The following RAB8B variants were observed in gnomAD, a reference collection of about 807,000 sequenced individuals.
The protein encoded by RAB8B is ras-related protein Rab-8B.
In RAB8B, 11 loss-of-function variants were observed where a neutral mutation model predicts 32.0. The observed-to-expected ratio is 0.34, with a 90% CI of 0.22 to 0.57. RAB8B has a LOEUF of 0.57. Ranked by LOEUF, RAB8B falls within the 20% of genes least tolerant of loss-of-function variation. The pLI, the probability that RAB8B is intolerant of heterozygous loss-of-function variation, is 0.86. For missense variants in RAB8B, 190 were observed against 258.5 expected (o/e 0.73, Z 1.82); for synonymous variants, 103 against 89.6 (o/e 1.15, Z -0.85).
chr15:63,219,322 A>T (rs902995866), intron 1 of RAB8B, among the ~76,000 whole-genome samples: 1 of 151,464 alleles, frequency 6.6e-6, no homozygotes, highest in African/African-American at 2.4e-5. Context: ...AAAGAAAGAG[A>T]GAAAGAGATC....
chr15:63,225,376 C>T (rs2037880292), intron 1 of RAB8B, among the ~76,000 whole-genome samples: 1 of 152,136 alleles, frequency 6.6e-6, no homozygotes, highest in Non-Finnish European at 1.5e-5. Flanking sequence ...ATATTGAGTA[C>T]TTTTAATTTT....
intron 1 of RAB8B, among the ~76,000 whole-genome samples, chr15:63,234,761 A>G (rs2037964132): frequency 6.6e-6 from 1 of 152,198 alleles, no homozygotes; most frequent in Non-Finnish European, 1.5e-5. Flanking sequence ...TCAGAGGTGC[A>G]GGAAAGAGCC....
intron 2 of RAB8B, among the ~76,000 whole-genome samples, chr15:63,246,426 G>C (rs1020211608): frequency 6.6e-6 from 1 of 152,178 alleles, no homozygotes; most frequent in African/African-American, 2.4e-5. Flanking sequence ...TAATTTACTA[G>C]AGCAGCTCAC....
intron 4 of RAB8B, 36 bp downstream of exon 4, chr15:63,255,620 A>G: frequency 6.6e-7 from 1 of 1,513,058 alleles, no homozygotes; most frequent in Non-Finnish European, 9.2e-7. Context: ...ATTGGAGAAG[A>G]GTCCTGCTGG....
chr15:63,238,655 G>GAT (rs1273715525), intron 1 of RAB8B, among the ~76,000 whole-genome samples: 1 of 151,796 alleles, frequency 6.6e-6, no homozygotes, highest in South Asian at 2.1e-4. Context: ...TTATATAGAG[G>GAT]ATATATAATA....
intron 1 of RAB8B, among the ~76,000 whole-genome samples, chr15:63,225,859 G>A (rs2037884774): frequency 6.6e-6 from 1 of 151,620 alleles, no homozygotes; most frequent in Admixed American, 6.6e-5. Flanking sequence ...TTTTCTTTCT[G>A]AAAGAGGGTC....
At chr15:63,194,265 G>A (rs2037583129) in intron 1 of RAB8B, among the ~76,000 whole-genome samples, 1 of 152,194 alleles carries the variant, frequency 6.6e-6, no homozygotes, top group African/African-American at 2.4e-5. Flanking sequence ...AGATCCTGTA[G>A]TGAAACCCCA....
Position 63,267,738 on chromosome 15 carries a change from T to A in RAB8B, c.*4119T>A, listed in dbSNP as rs2038260167. On this transcript the variant is annotated 3_prime_UTR_variant, in exon 8 of 8. Transcript: ENST00000321437. ...CAGGTGAACTTTTTTTTTATAATAA[T>A]GTTCGTCTAAAATAAAAACTACATA... The A allele has an allele frequency of 2.0e-5, 3 of 152,222 alleles. No homozygotes were observed. The highest frequency in any genetic ancestry group is 4.4e-5 in the Non-Finnish European group (3 of 68,042). 9.4% of individuals were successfully genotyped at this position (152,222 alleles called of 1,614,324 possible). A position where few individuals can be genotyped will look rare whatever the true frequency, so the allele number is the denominator to read the frequency against.
At chr15:63,263,397 C>A in intron 7 of RAB8B, 130 bp from the exon 8 acceptor site, 1 of 649,474 alleles carries the variant, frequency 1.5e-6, no homozygotes, top group Non-Finnish European at 2.7e-6. Context: ...TAATAAAATA[C>A]TCTAGTGAAT....
Position 63,263,878 on chromosome 15 carries a change from G to T in RAB8B, c.*259G>T. On this transcript the variant is annotated 3_prime_UTR_variant, in exon 8 of 8. Transcript: ENST00000321437. ...TCGTTTTTTCCTTGTTTTATTACCT[G>T]TTGCAGAAGCGGTTATCTTTCTTTT... The T allele has an allele frequency of 2.7e-6, 1 of 366,668 alleles. No homozygotes were observed. The allele number at this position is 366,668 out of a possible 1,614,324, so 22.7% of individuals were successfully genotyped here.
rs1423199038 is a variant in RAB8B, at chr15:63,265,775, G to A, written c.*2156G>A. 3.3e-5 allele frequency: 5 copies of A among 152,168 alleles called. No homozygotes were observed. The highest frequency in any genetic ancestry group is 1.3e-4 in the Admixed American group (2 of 15,224). The allele number at this position is 152,168 out of a possible 1,614,324, so 9.4% of individuals were successfully genotyped here. ...TTTTTTAACAGAATGCTTTGCTTTG[G>A]TTATATTTCTTCTTTCTTCTTTTGT... On this transcript the variant is annotated 3_prime_UTR_variant, in exon 8 of 8. Coordinates refer to ENST00000321437, the MANE Select transcript of RAB8B (RefSeq NM_016530.3). The surrounding 1 kb of genome is among the most constrained non-coding windows in gnomAD (Gnocchi z 4.9).
chr15:63,213,653 C>T (rs372469731), intron 1 of RAB8B, among the ~76,000 whole-genome samples: 1 of 151,814 alleles, frequency 6.6e-6, no homozygotes, highest in East Asian at 1.9e-4. Context: ...ATGGGGAATT[C>T]CTACATGAGT....
chr15:63,229,460 G>C (rs1021188963), intron 1 of RAB8B, among the ~76,000 whole-genome samples: 2 of 152,082 alleles, frequency 1.3e-5, no homozygotes, highest in Non-Finnish European at 2.9e-5. Context: ...GGTGCTCACA[G>C]ACATTCAGTG....
Position 63,221,767 on chromosome 15 carries a change from T to C in RAB8B, c.125-22989T>C, listed in dbSNP as rs911902002. Among the ~76,000 whole-genome samples, 3 of 152,238 alleles carry C rather than the reference T, an allele frequency of 2.0e-5. No homozygotes were observed. In the South Asian group the frequency reaches 6.2e-4, roughly 32 times the overall value. Reference sequence around the variant, plus strand: ...CCACCCTGGGCTCACGAATTAATAGTGGAAATGTCTTCAAAGCAATTATTA... The same window carrying C: ...CCACCCTGGGCTCACGAATTAATAGCGGAAATGTCTTCAAAGCAATTATTA... On this transcript the variant is annotated intron_variant, in intron 1 of 7. Coordinates refer to ENST00000321437, the MANE Select transcript of RAB8B (RefSeq NM_016530.3).
chr15:63,206,945 A>G (rs1314240107), intron 1 of RAB8B, among the ~76,000 whole-genome samples: 1 of 151,932 alleles, frequency 6.6e-6, no homozygotes, highest in East Asian at 1.9e-4. Context: ...TTGGCCTCTC[A>G]TCAGCATTTC....
intron 1 of RAB8B, among the ~76,000 whole-genome samples, chr15:63,197,524 C>G (rs1044035541): frequency 6.6e-6 from 1 of 151,834 alleles, no homozygotes. Flanking sequence ...CGGGTGCACA[C>G]TACCATACCT....
rs143047434 is a variant in RAB8B at position 63,190,666 on chromosome 15, A to G, written c.124+918A>G. The stretch of plus-strand genomic sequence containing the variant: ...TAATTTGTTCTGTGAGTGTTAATGG[A>G]TGTTAAGGGAATTGGTGACTTTTGG... On this transcript the variant is annotated intron_variant, in intron 1 of 7. Coordinates refer to ENST00000321437, the MANE Select transcript of RAB8B (RefSeq NM_016530.3). Among the ~76,000 whole-genome samples, 645 of 152,290 alleles carry G rather than the reference A, an allele frequency of 4.2e-3. 3 individuals are homozygous for G. The highest frequency in any genetic ancestry group is 0.015 in the African/African-American group (622 of 41,556).
At chr15:63,208,419 T>C (rs570202704) in intron 1 of RAB8B, among the ~76,000 whole-genome samples, 1 of 152,342 alleles carries the variant, frequency 6.6e-6, no homozygotes, top group South Asian at 2.1e-4. Context: ...ATTATCTCAC[T>C]GTCATTTGTG....
chr15:63,254,229 C>T (rs1486316938), intron 3 of RAB8B, among the ~76,000 whole-genome samples: 1 of 152,180 alleles, frequency 6.6e-6, no homozygotes, highest in Non-Finnish European at 1.5e-5. Context: ...CTACTAAGTT[C>T]CCAGGCTTTG....
Sources: allele counts gnomAD v4.1 joint callset (sites outside exome capture counted in the v4.1 genomes callset), GRCh38; gene constraint gnomAD v4.1.1; non-coding constraint Gnocchi (gnomAD v3.1); transcripts MANE v1.5; gene names NCBI Gene and HGNC (gene_info 2026-07-23, HGNC 2026-07-21).